PGR: variants seen among roughly 807,000 people sequenced by gnomAD.
The protein encoded by PGR is progesterone receptor.
In PGR, 25 loss-of-function variants were observed where a neutral mutation model predicts 76.1. The observed-to-expected ratio is 0.33, with a 90% confidence interval of 0.24 to 0.46. PGR has a LOEUF of 0.46. PGR is among the 20% of genes least tolerant of loss of function. PGR has a pLI of 1.00. For missense variants in PGR, 1,172 were observed against 1,225.3 expected (o/e 0.96, Z 0.65); for synonymous variants, 579 against 535.0 (o/e 1.08, Z -1.14).
intron 2 of PGR, among the ~76,000 whole-genome samples, chr11:101,096,513 T>C (rs1435379452): frequency 6.6e-6 from 1 of 152,200 alleles, no homozygotes; most frequent in Non-Finnish European, 1.5e-5. Context: ...TGAACCATAA[T>C]GCATGGCCAG....
chr11:101,125,834 T>C (rs556108903), intron 2 of PGR, among the ~76,000 whole-genome samples, 173 bp downstream of exon 2: 1 of 152,310 alleles, frequency 6.6e-6, no homozygotes, highest in East Asian at 1.9e-4. Context: ...CCACATTCCA[T>C]TTTGAGTATC....
chr11:101,110,783 A>G (rs981819391), intron 2 of PGR, among the ~76,000 whole-genome samples: 1 of 152,132 alleles, frequency 6.6e-6, no homozygotes, highest in Non-Finnish European at 1.5e-5. Context: ...CAGTCTATGG[A>G]TATGGTAAAC....
intron 4 of PGR, among the ~76,000 whole-genome samples, chr11:101,051,872 G>T (rs921380188): frequency 2.6e-5 from 4 of 152,012 alleles, no homozygotes; most frequent in Non-Finnish European, 5.9e-5. Context: ...TGGGTGCCAG[G>T]CACTGTATAA....
At position 101,040,708 on chromosome 11, in the gene PGR, A is replaced by G. The variant is rs753665155; in HGVS notation, c.2646+1237T>C. Among the ~76,000 whole-genome samples, 6 of 151,946 alleles carry G rather than the reference A, an allele frequency of 3.9e-5. No homozygotes were observed. In the South Asian group the frequency reaches 8.3e-4, roughly 21 times the overall value. ...TTCTCTTCATTTCTGGCCTGGTACA[A>G]TTTTACAATAATGTACCTTAGTTCA... On this transcript the variant is annotated intron_variant, in intron 7 of 7. Coordinates refer to ENST00000325455, the MANE Select transcript of PGR (RefSeq NM_000926.4).
intron 2 of PGR, among the ~76,000 whole-genome samples, chr11:101,109,239 A>G (rs1219911063): frequency 6.6e-6 from 1 of 152,196 alleles, no homozygotes; most frequent in African/African-American, 2.4e-5. Flanking sequence ...GAAGGGTTGC[A>G]TATGTGTCAC....
intron 2 of PGR, among the ~76,000 whole-genome samples, chr11:101,103,628 A>G (rs989398956): frequency 6.6e-6 from 1 of 152,182 alleles, no homozygotes; most frequent in Non-Finnish European, 1.5e-5. Context: ...AACCTGATGG[A>G]ATTTTTGCCA....
intron 1 of PGR, among the ~76,000 whole-genome samples, 164 bp from the exon 2 acceptor site, chr11:101,126,322 G>A (rs992222223): frequency 6.6e-6 from 1 of 152,132 alleles, no homozygotes; most frequent in Non-Finnish European, 1.5e-5. Flanking sequence ...TAGACTATCC[G>A]TAACTGGATT....
chr11:101,084,373 T>C (rs1167416074), intron 3 of PGR, among the ~76,000 whole-genome samples: 1 of 151,898 alleles, frequency 6.6e-6, no homozygotes, highest in Non-Finnish European at 1.5e-5. Flanking sequence ...AGTCACAGAG[T>C]GGGTCCAGGC....
intron 6 of PGR, among the ~76,000 whole-genome samples, chr11:101,048,254 T>C (rs1052359124): frequency 6.6e-6 from 1 of 152,320 alleles, no homozygotes; most frequent in African/African-American, 2.4e-5. Flanking sequence ...AAAATAATTC[T>C]AAACAAAATT....
intron 6 of PGR, among the ~76,000 whole-genome samples, chr11:101,044,700 C>CTTTTTTTTTTTTTTTTTTTTTTTTTTTTT (rs34361620): frequency 1.3e-5 from 1 of 75,848 alleles, no homozygotes; most frequent in African/African-American, 4.7e-5. Flanking sequence ...GGCCTAATTG[C>CTTTTTTTTTTTTTTTTTTTTTTTTTTTTT]TTTTTTTTTT....
intron 2 of PGR, among the ~76,000 whole-genome samples, chr11:101,107,382 C>G (rs1014953293): frequency 2.0e-5 from 3 of 152,242 alleles, no homozygotes; most frequent in African/African-American, 7.2e-5. Context: ...TCCAAATGCC[C>G]TAATTATTCA....
chr11:101,083,184 A>C (rs1159500511), intron 3 of PGR, among the ~76,000 whole-genome samples: 3 of 152,220 alleles, frequency 2.0e-5, no homozygotes, highest in Admixed American at 2.0e-4. Flanking sequence ...GCAAACCCAA[A>C]GCCCTGGTGG....
At chr11:101,106,808 A>G (rs1862176020) in intron 2 of PGR, among the ~76,000 whole-genome samples, 1 of 152,236 alleles carries the variant, frequency 6.6e-6, no homozygotes, top group South Asian at 2.1e-4. Context: ...AAGACTTGGA[A>G]CCAAGCCAAA....
rs765662939 is a variant in PGR, at chr11:101,127,826, C to T, written c.1245G>A (p.Pro415=). ...LVAGANPAAF[P]DFPLGPPPPL... is the part of the protein sequence containing the mutation. ...GGGGCGGTGGCCCCAACGGGAAATCCGGGAAGGCTGCGGGGTTGGCACCGG... is the reference window on the plus strand; with the variant it reads ...GGGGCGGTGGCCCCAACGGGAAATCTGGGAAGGCTGCGGGGTTGGCACCGG... The change falls in exon 1 of 8, where the codon CCG becomes CCA. Residue 415 remains proline, a synonymous_variant. Coordinates refer to ENST00000325455, the MANE Select transcript of PGR (RefSeq NM_000926.4). 4 of 1,577,496 alleles carry T rather than the reference C, an allele frequency of 2.5e-6. No individual in the cohort carries two copies. Among genetic ancestry groups the T allele is most frequent in the Non-Finnish European group, 1.7e-6 (2 of 1,169,074 alleles).
chr11:101,059,376 T>C (rs1396211178), intron 4 of PGR, among the ~76,000 whole-genome samples: 1 of 152,104 alleles, frequency 6.6e-6, no homozygotes, highest in Non-Finnish European at 1.5e-5. Context: ...GTCTTGTTCA[T>C]TAAAAAAATT....
At chr11:101,056,157 A>G (rs1443208121) in intron 4 of PGR, among the ~76,000 whole-genome samples, 1 of 152,170 alleles carries the variant, frequency 6.6e-6, no homozygotes, top group African/African-American at 2.4e-5. Flanking sequence ...TAAACTTAGT[A>G]CATTTGAGAT....
intron 3 of PGR, among the ~76,000 whole-genome samples, chr11:101,088,682 G>T (rs1301732459): frequency 4.6e-5 from 7 of 152,198 alleles, no homozygotes; most frequent in Admixed American, 4.6e-4. Flanking sequence ...CCCATTACTG[G>T]ATATATAGCC....
At chr11:101,119,653 T>C (rs1046155119) in intron 2 of PGR, among the ~76,000 whole-genome samples, 1 of 152,176 alleles carries the variant, frequency 6.6e-6, no homozygotes, top group African/African-American at 2.4e-5. Flanking sequence ...TGAGAATCCT[T>C]TGTCCCAATA....
chr11:101,129,559 G>A lies in PGR; in HGVS notation c.-489C>T, dbSNP rs1863033047. 5.3e-6 allele frequency: 1 copy of A among 189,542 alleles called. No individual in the cohort carries two copies. Among genetic ancestry groups the A allele is most frequent in the East Asian group, 8.6e-5 (1 of 11,662 alleles). The allele number at this position is 189,542 out of a possible 1,614,324, so 11.7% of individuals were successfully genotyped here. A position where few individuals can be genotyped will look rare whatever the true frequency, so the allele number is the denominator to read the frequency against. ...TCTCAGTCCCTCGCTGAGTTCCACT[G>A]CCCCCTCACTAAAACCCTGGGGCTA... On this transcript the variant is annotated 5_prime_UTR_variant, in exon 1 of 8. Transcript: ENST00000325455.
Sources: allele counts gnomAD v4.1 joint callset (sites outside exome capture counted in the v4.1 genomes callset), GRCh38; gene constraint gnomAD v4.1.1; transcripts MANE v1.5; gene names NCBI Gene and HGNC (gene_info 2026-07-23, HGNC 2026-07-21).